HS2ST1: variants seen among roughly 807,000 people sequenced by gnomAD.
The protein encoded by HS2ST1 is 2-O-sulfotransferase.
In HS2ST1, 18 loss-of-function variants were observed where a neutral mutation model predicts 42.9. The observed-to-expected ratio is 0.42, with a 90% CI of 0.29 to 0.62. The LOEUF (loss-of-function observed/expected upper bound fraction) is 0.62. HS2ST1 is among the 20% of genes least tolerant of loss of function. The pLI is 0.21. For missense variants in HS2ST1, 334 were observed against 433.8 expected (o/e 0.77, Z 2.04); for synonymous variants, 146 against 152.9 (o/e 0.95, Z 0.33).
At position 87,000,789 on chromosome 1, in the gene HS2ST1, T is replaced by C. The variant is rs1183946964; in HGVS notation, c.125-72145T>C. On this transcript the variant is annotated intron_variant, in intron 1 of 6. Coordinates refer to ENST00000370550, the MANE Select transcript of HS2ST1 (RefSeq NM_012262.4). ...TCAGCTATGTAGCACAGTGGGAACATACACAATTTTGCACTTGGGAAAGTA... is the reference window on the plus strand; with the variant it reads ...TCAGCTATGTAGCACAGTGGGAACACACACAATTTTGCACTTGGGAAAGTA... Among the ~76,000 whole-genome samples, 3 of 152,340 alleles carry C rather than the reference T, an allele frequency of 2.0e-5. No individual in the cohort carries two copies. In the East Asian group the frequency reaches 5.8e-4, roughly 29 times the overall value.
At chr1:86,985,458 A>G (rs533473680) in intron 1 of HS2ST1, among the ~76,000 whole-genome samples, 6 of 104,744 alleles carry the variant, frequency 5.7e-5, no homozygotes, top group Admixed American at 2.4e-4. Context: ...ATATACACAC[A>G]TATATACACA....
intron 2 of HS2ST1, among the ~76,000 whole-genome samples, chr1:87,078,200 A>G (rs1651595659): frequency 6.6e-6 from 1 of 152,208 alleles, no homozygotes; most frequent in African/African-American, 2.4e-5. Flanking sequence ...TTAGATAGTG[A>G]AAACAAATGC....
chr1:87,038,394 A>G (rs1368822772), intron 1 of HS2ST1, among the ~76,000 whole-genome samples: 1 of 152,154 alleles, frequency 6.6e-6, no homozygotes. Context: ...TAAATAATTA[A>G]ACTGTTGTAT....
At chr1:87,038,959 A>G (rs1219634104) in intron 1 of HS2ST1, among the ~76,000 whole-genome samples, 1 of 152,154 alleles carries the variant, frequency 6.6e-6, no homozygotes, top group Non-Finnish European at 1.5e-5. Flanking sequence ...TAATATTTCT[A>G]TTGTATACAA....
At chr1:87,072,046 A>G (rs1306563136) in intron 1 of HS2ST1, among the ~76,000 whole-genome samples, 1 of 152,074 alleles carries the variant, frequency 6.6e-6, no homozygotes, top group Non-Finnish European at 1.5e-5. Flanking sequence ...ATGTATAGAT[A>G]TTTGAATATA....
At chr1:86,982,619 A>G (rs1648629345) in intron 1 of HS2ST1, among the ~76,000 whole-genome samples, 1 of 151,954 alleles carries the variant, frequency 6.6e-6, no homozygotes, top group Non-Finnish European at 1.5e-5. Flanking sequence ...GGTTCACGCC[A>G]TTCTCCTGCC....
chr1:87,078,247 TC>T (rs1651596350), intron 2 of HS2ST1, among the ~76,000 whole-genome samples: 1 of 152,212 alleles, frequency 6.6e-6, no homozygotes, highest in South Asian at 2.1e-4. Flanking sequence ...TTGAGGTTGA[TC>T]TATTAAGAAT....
chr1:86,975,887 C>T (rs1648386130), intron 1 of HS2ST1, among the ~76,000 whole-genome samples: 1 of 152,166 alleles, frequency 6.6e-6, no homozygotes. Context: ...GACCTTTCTA[C>T]TGGCTATTTC....
chr1:86,932,160 A>G (rs971296763), intron 1 of HS2ST1: 1 of 152,196 alleles, frequency 6.6e-6, no homozygotes. Flanking sequence ...TTAGACTAAC[A>G]TTAAGGGCTA....
intron 1 of HS2ST1, among the ~76,000 whole-genome samples, chr1:86,983,912 C>T (rs1228613437): frequency 7.2e-5 from 11 of 151,990 alleles, no homozygotes; most frequent in South Asian, 2.1e-4. Flanking sequence ...CGGTGGCGGG[C>T]GCCTCTAATC....
chr1:87,051,521 C>T (rs12078418), intron 1 of HS2ST1, among the ~76,000 whole-genome samples: 5,245 of 152,160 alleles, frequency 0.034, 184 homozygotes, highest in African/African-American at 0.088. Flanking sequence ...ATTAAAATGT[C>T]TATTGTATAG....
At position 86,965,015 on chromosome 1, in the gene HS2ST1, G is replaced by T. The variant is rs182672240; in HGVS notation, c.124+49855G>T. Among the ~76,000 whole-genome samples, 167 of 152,274 alleles carry T rather than the reference G, an allele frequency of 1.1e-3. 1 individual carries two copies. The highest frequency in any genetic ancestry group is 3.9e-3 in the African/African-American group (161 of 41,554). On this transcript the variant is annotated intron_variant, in intron 1 of 6. Transcript: ENST00000370550. Reference sequence around the variant, plus strand: ...ACATTTGTAGTATTACTGATAATGTGTGTAAATGACTGATCTGCTAGCCAA... The same window carrying T: ...ACATTTGTAGTATTACTGATAATGTTTGTAAATGACTGATCTGCTAGCCAA...
chr1:87,061,063 T>C (rs1651108557), intron 1 of HS2ST1, among the ~76,000 whole-genome samples: 1 of 152,172 alleles, frequency 6.6e-6, no homozygotes, highest in South Asian at 2.1e-4. Flanking sequence ...GGAAGCATTA[T>C]GTTTGTTTAA....
intron 1 of HS2ST1, among the ~76,000 whole-genome samples, chr1:87,050,208 C>T (rs551794842): frequency 6.6e-6 from 1 of 151,426 alleles, no homozygotes; most frequent in African/African-American, 2.4e-5. Flanking sequence ...CAATCTCAGC[C>T]TTTTCTATGG....
At chr1:86,963,970 C>T (rs1443165886) in intron 1 of HS2ST1, among the ~76,000 whole-genome samples, 14 of 151,442 alleles carry the variant, frequency 9.2e-5, no homozygotes, top group Admixed American at 4.6e-4. Flanking sequence ...GGTCGGCTGC[C>T]GGGCGGAGGG....
At chr1:86,963,305 G>A (rs760731463) in intron 1 of HS2ST1, among the ~76,000 whole-genome samples, 19 of 152,078 alleles carry the variant, frequency 1.2e-4, no homozygotes, top group Non-Finnish European at 2.4e-4. Flanking sequence ...AGGATCCTGC[G>A]GCCTACCGCA....
chr1:87,015,801 C>T (rs1332872586), intron 1 of HS2ST1, among the ~76,000 whole-genome samples: 1 of 151,866 alleles, frequency 6.6e-6, no homozygotes, highest in Non-Finnish European at 1.5e-5. Flanking sequence ...AGCAATGTAG[C>T]TCTTTTTCTT....
chr1:86,958,317 A>C (rs1459828437), intron 1 of HS2ST1: 1 of 152,248 alleles, frequency 6.6e-6, no homozygotes, highest in Non-Finnish European at 1.5e-5. Flanking sequence ...GTATTGTTAC[A>C]ATAAAGTAGC....
intron 1 of HS2ST1, among the ~76,000 whole-genome samples, chr1:87,046,926 T>C (rs1650690716): frequency 6.6e-6 from 1 of 150,770 alleles, no homozygotes; most frequent in Admixed American, 6.6e-5. Context: ...CAGGCTGGTC[T>C]CGAACTCCTG....
Sources: gnomAD v4.1 joint callset for allele counts (sites outside exome capture counted in the v4.1 genomes callset) on GRCh38, gnomAD v4.1.1 for gene constraint, MANE v1.5 for transcripts, NCBI Gene and HGNC (gene_info 2026-07-23, HGNC 2026-07-21) for gene names.